Variants in PCBP3 observed in about 807,000 individuals in gnomAD.
The protein encoded by PCBP3 is poly(rC) binding protein 3, also known as poly(rC)-binding protein 3.
A neutral mutation model predicts 52.7 loss-of-function variants in PCBP3; 25 were observed. The ratio of observed to expected loss-of-function variants is 0.47; its 90% CI spans 0.35 to 0.66. PCBP3 has a LOEUF of 0.66. Ranked by LOEUF, PCBP3 falls within the 30% of genes least tolerant of loss-of-function variation. The pLI is 0.01. For missense variants in PCBP3, 391 were observed against 490.3 expected, an observed-to-expected ratio of 0.80 and a Z score of 1.91; for synonymous variants, 162 against 183.0, an observed-to-expected ratio of 0.89 and a Z score of 0.93.
intron 4 of PCBP3, among the ~76,000 whole-genome samples, chr21:45,840,452 G>A (rs2093677311): frequency 1.9e-5 from 2 of 104,442 alleles, no homozygotes; most frequent in South Asian, 3.7e-4. Context: ...GCGGGACCCT[G>A]TCTCAAAAAA....
chr21:45,706,746 A>G (rs17004797), intron 2 of PCBP3, among the ~76,000 whole-genome samples: 8,633 of 152,292 alleles, frequency 0.057, 545 homozygotes, highest in African/African-American at 0.14. Context: ...CACCATGTGC[A>G]CTTAGGGTGA....
chr21:45,925,715 T>C (rs1460504462), intron 13 of PCBP3, among the ~76,000 whole-genome samples: 2 of 152,156 alleles, frequency 1.3e-5, no homozygotes, highest in Non-Finnish European at 2.9e-5. Context: ...AACAAGACTT[T>C]AAGAGAAAAA....
At chr21:45,646,072 TC>T (rs1333654443) in intron 1 of PCBP3, among the ~76,000 whole-genome samples, 1 of 124,324 alleles carries the variant, frequency 8.0e-6, no homozygotes, top group African/African-American at 3.3e-5. Flanking sequence ...TCTCTCTCTC[TC>T]TCTCTCTCTT....
chr21:45,903,978 T>A (rs2096133325), intron 9 of PCBP3, among the ~76,000 whole-genome samples: 1 of 152,188 alleles, frequency 6.6e-6, no homozygotes. Context: ...CACTGCTGGA[T>A]TTGTTAGCAA....
At chr21:45,775,930 T>G (rs891711595) in intron 4 of PCBP3, among the ~76,000 whole-genome samples, 2 of 152,252 alleles carry the variant, frequency 1.3e-5, no homozygotes, top group African/African-American at 2.4e-5. Context: ...ATTATTAGAC[T>G]GTTAATTTGT....
chr21:45,820,714 G>C (rs549805761), intron 4 of PCBP3, among the ~76,000 whole-genome samples: 1 of 152,342 alleles, frequency 6.6e-6, no homozygotes, highest in African/African-American at 2.4e-5. Flanking sequence ...GAGTTCCTGG[G>C]ACCTGGGGGA....
chr21:45,664,054 A>G (rs2080609245), intron 1 of PCBP3, among the ~76,000 whole-genome samples: 1 of 143,218 alleles, frequency 7.0e-6, no homozygotes. Flanking sequence ...AACTTTTATT[A>G]AAAATACAAA....
At chr21:45,909,797 C>CCA (rs2096302958) in intron 10 of PCBP3, among the ~76,000 whole-genome samples, 7 of 56,180 alleles carry the variant, frequency 1.2e-4, no homozygotes, top group East Asian at 4.2e-4. Flanking sequence ...CGGACCCCCC[C>CCA]CCCACCCACT....
intron 4 of PCBP3, among the ~76,000 whole-genome samples, chr21:45,773,688 T>C (rs1471245876): frequency 6.6e-6 from 1 of 152,216 alleles, no homozygotes; most frequent in Non-Finnish European, 1.5e-5. Flanking sequence ...TCCAGCTTTG[T>C]TCTTTTTGCT....
chr21:45,644,010 CT>C (rs1433002544), intron 1 of PCBP3, 142 bp downstream of exon 1: 1 of 149,264 alleles, frequency 6.7e-6, no homozygotes, highest in African/African-American at 2.4e-5. Context: ...GGGTCCCGGG[CT>C]GGGTCGCGCC....
At position 45,656,434 on chromosome 21, in the gene PCBP3, G is replaced by A; in HGVS notation, c.-278-12440G>A. Among the ~76,000 whole-genome samples, 1 of 152,096 alleles carries A rather than the reference G, an allele frequency of 6.6e-6. No homozygotes were observed. The highest frequency in any genetic ancestry group is 1.5e-5 in the Non-Finnish European group (1 of 68,014). On this transcript the variant is annotated intron_variant, in intron 1 of 17. Transcript: ENST00000681687. This position sits in a 1 kb window ranked among gnomAD's most constrained non-coding sequence, Gnocchi z 4.3. The stretch of plus-strand genomic sequence containing the variant: ...CGCATGTTCTCACTCATAAGTGGGA[G>A]TTGAACAATGAGAACACATGGACAC...
chr21:45,884,274 G>C (rs778347239), intron 5 of PCBP3, among the ~76,000 whole-genome samples: 1 of 151,858 alleles, frequency 6.6e-6, no homozygotes, highest in African/African-American at 2.4e-5. Flanking sequence ...TTGTTTCTCT[G>C]GTTTTAGTTT....
rs1241656038 is a variant in PCBP3, at chr21:45,802,380, C to A, written c.-126+46928C>A. Among the ~76,000 whole-genome samples the A allele has an allele frequency of 6.6e-6, 1 of 152,164 alleles. No individual in the cohort carries two copies. The highest frequency in any genetic ancestry group is 1.9e-4 in the East Asian group (1 of 5,184). ...TTTCAAGACAGCCCTGATGGCATCA[C>A]CTCCCTTCACTCGCCTCTTCTTAGC... On this transcript the variant is annotated intron_variant, in intron 4 of 17. Transcript: ENST00000681687. The surrounding 1 kb of genome is among the most constrained non-coding windows in gnomAD (Gnocchi z 5.1).
At chr21:45,734,981 C>CT (rs1398939015) in intron 2 of PCBP3, among the ~76,000 whole-genome samples, 1 of 152,202 alleles carries the variant, frequency 6.6e-6, no homozygotes, top group Non-Finnish European at 1.5e-5. Flanking sequence ...GGTGAAGGCC[C>CT]TTCAGGGTGG....
chr21:45,935,352 G>C, intron 16 of PCBP3, 47 bp downstream of exon 16: 1 of 1,404,806 alleles, frequency 7.1e-7, no homozygotes, highest in Non-Finnish European at 1.0e-6. Flanking sequence ...GAAACACCAG[G>C]CACAAGTGGC....
intron 4 of PCBP3, among the ~76,000 whole-genome samples, chr21:45,840,166 C>G (rs2093668800): frequency 6.6e-6 from 1 of 151,764 alleles, no homozygotes; most frequent in Non-Finnish European, 1.5e-5. Flanking sequence ...AAAAATGTTA[C>G]AGTAGGCTGG....
rs1301864595 is a variant in PCBP3, at chr21:45,928,534, G to A, written c.718-1383G>A. Among the ~76,000 whole-genome samples, 6 of 152,202 alleles carry A rather than the reference G, an allele frequency of 3.9e-5. No homozygotes were observed. The highest frequency in any genetic ancestry group is 1.4e-4 in the African/African-American group (6 of 41,454). On this transcript the variant is annotated intron_variant, in intron 13 of 17. Transcript: ENST00000681687. This position sits in a 1 kb window ranked among gnomAD's most constrained non-coding sequence, Gnocchi z 4.1. ...CCCAGGAGCACACAGCTGGGAAGGC[G>A]CTGGGACCACAGTCGCCGCATTCCT...
intron 4 of PCBP3, among the ~76,000 whole-genome samples, chr21:45,820,778 G>A (rs923406381): frequency 2.6e-5 from 4 of 152,110 alleles, no homozygotes; most frequent in South Asian, 2.1e-4. Flanking sequence ...TCTGAGCCAC[G>A]TCCTTTTCTC....
At chr21:45,681,780 A>G (rs2081865418) in intron 2 of PCBP3, among the ~76,000 whole-genome samples, 1 of 152,102 alleles carries the variant, frequency 6.6e-6, no homozygotes, top group South Asian at 2.1e-4. Flanking sequence ...GAATTCAGAA[A>G]TTTTTCCTCT....
Sources: gnomAD v4.1 joint callset for allele counts (sites outside exome capture counted in the v4.1 genomes callset) on GRCh38, gnomAD v4.1.1 for gene constraint, Gnocchi (gnomAD v3.1) non-coding constraint, MANE v1.5 for transcripts, NCBI Gene and HGNC (gene_info 2026-07-23, HGNC 2026-07-21) for gene names.